DENND1A: variants seen among roughly 807,000 people sequenced by gnomAD.
The protein encoded by DENND1A is DENN domain-containing protein 1A.
A neutral mutation model predicts 113.7 loss-of-function variants in DENND1A; 51 were observed. That is an observed-to-expected ratio of 0.45 (90% CI 0.36 to 0.57). The LOEUF (loss-of-function observed/expected upper bound fraction) is 0.57, where lower values mean the gene tolerates loss of function less well. Among genes scored for constraint, DENND1A ranks in the 20% least tolerant of loss-of-function variants. The pLI is 0.00. For synonymous variants in DENND1A, 565 were observed against 570.8 expected (o/e 0.99, Z 0.14); for missense variants, 1,258 against 1,395.9 (o/e 0.90, Z 1.57).
Position 123,415,894 on chromosome 9 carries a change from G to C in DENND1A, c.1489-4065C>G, listed in dbSNP as rs1379573602. On this transcript the variant is annotated intron_variant, in intron 19 of 23. Transcript: ENST00000394215. ...TCCCAAATAAGCTGGGGTGTCCCCA[G>C]CTGGGGACACAGATGGGGAAGAGTA... Among the ~76,000 whole-genome samples the C allele has an allele frequency of 2.6e-5, 4 of 152,176 alleles. No homozygotes were observed. In the East Asian group the frequency reaches 7.7e-4, roughly 29 times the overall value.
At chr9:123,721,072 T>C (rs996058166) in intron 5 of DENND1A, among the ~76,000 whole-genome samples, 1 of 152,196 alleles carries the variant, frequency 6.6e-6, no homozygotes, top group African/African-American at 2.4e-5. Context: ...ACACCCACTC[T>C]TCCCCTCCCT....
intron 9 of DENND1A, among the ~76,000 whole-genome samples, chr9:123,639,355 G>T (rs1265375416): frequency 1.4e-5 from 2 of 147,066 alleles, no homozygotes; most frequent in Admixed American, 1.4e-4. Flanking sequence ...ACGAGTATCA[G>T]TTGAACCCGA....
At chr9:123,454,538 G>T (rs1350965104) in intron 16 of DENND1A, among the ~76,000 whole-genome samples, 1 of 152,126 alleles carries the variant, frequency 6.6e-6, no homozygotes, top group African/African-American at 2.4e-5. Flanking sequence ...GCCTTTTTCA[G>T]CCCCCACCAA....
chr9:123,632,971 G>T (rs1001455789), intron 9 of DENND1A, among the ~76,000 whole-genome samples: 1 of 152,028 alleles, frequency 6.6e-6, no homozygotes, highest in Admixed American at 6.6e-5. Context: ...GCAGTGGCAC[G>T]ATCTCGGCTC....
At chr9:123,610,637 A>T (rs2060376152) in intron 10 of DENND1A, among the ~76,000 whole-genome samples, 2 of 152,196 alleles carry the variant, frequency 1.3e-5, no homozygotes, top group African/African-American at 4.8e-5. Context: ...ATAGTCTATG[A>T]AATGTGCAGA....
At chr9:123,446,418 C>T (rs181800166) in intron 18 of DENND1A, among the ~76,000 whole-genome samples, 53 of 152,266 alleles carry the variant, frequency 3.5e-4, no homozygotes, top group Admixed American at 3.9e-4. Context: ...CTAGCTCTCC[C>T]GGCCCCACGC....
intron 12 of DENND1A, among the ~76,000 whole-genome samples, chr9:123,581,480 C>G (rs763269344): frequency 6.6e-6 from 1 of 152,066 alleles, no homozygotes; most frequent in Non-Finnish European, 1.5e-5. Flanking sequence ...CAAAACGTAG[C>G]TGGGTGTGGT....
At chr9:123,496,448 AAGAC>A (rs770313060) in intron 13 of DENND1A, among the ~76,000 whole-genome samples, 4 of 152,168 alleles carry the variant, frequency 2.6e-5, no homozygotes, top group Non-Finnish European at 5.9e-5. Context: ...TTTTATTTTT[AAGAC>A]AGACAGGTCT....
intron 13 of DENND1A, among the ~76,000 whole-genome samples, chr9:123,478,458 T>C (rs1055328996): frequency 1.3e-5 from 2 of 152,184 alleles, no homozygotes; most frequent in Admixed American, 1.3e-4. Context: ...AGGTGTCTCA[T>C]TTTGGGAAGA....
intron 13 of DENND1A, among the ~76,000 whole-genome samples, chr9:123,473,470 G>T (rs1392157696): frequency 6.6e-6 from 1 of 152,162 alleles, no homozygotes; most frequent in African/African-American, 2.4e-5. Flanking sequence ...GAGACTCAGG[G>T]GCAGCAATCC....
In DENND1A at chr9:123,387,811, G is replaced by A. The variant is rs919471693; in HGVS notation, c.1679C>T (p.Ser560Phe). 1.6e-6 allele frequency: 2 copies of A among 1,289,892 alleles called. No individual in the cohort carries two copies. The highest frequency in any genetic ancestry group is 3.0e-5 in the African/African-American group (2 of 65,864). The allele number at this position is 1,289,892 out of a possible 1,614,324, so 79.9% of individuals were successfully genotyped here. ...TTCCCGCTGGCATTCATCATCAGAG[G>A]AGTCTTCGGAGAGGAAGACCGCATA... ...RHYAVFLSEDSSDDECQREEG... is the reference protein window; with the variant it reads ...RHYAVFLSEDFSDDECQREEG... The change falls in exon 22 of 24, where the codon TCC becomes TTC. Residue 560 changes from serine to phenylalanine, a missense_variant. Coordinates refer to ENST00000394215, the MANE Select transcript of DENND1A (RefSeq NM_001352964.2).
intron 2 of DENND1A, among the ~76,000 whole-genome samples, chr9:123,854,711 TA>T (rs1465793442): frequency 6.9e-6 from 1 of 145,878 alleles, no homozygotes; most frequent in East Asian, 2.0e-4. Flanking sequence ...AAAATAAAAA[TA>T]AAAATAAGTA....
At chr9:123,829,113 A>G (rs1428941129) in intron 2 of DENND1A, among the ~76,000 whole-genome samples, 1 of 152,202 alleles carries the variant, frequency 6.6e-6, no homozygotes, top group Non-Finnish European at 1.5e-5. Flanking sequence ...TTCTCCTCCT[A>G]AAGGTTCAGA....
chr9:123,643,914 G>T (rs2062163815), intron 9 of DENND1A, among the ~76,000 whole-genome samples: 1 of 152,188 alleles, frequency 6.6e-6, no homozygotes, highest in Non-Finnish European at 1.5e-5. Context: ...CCAGGCAGAG[G>T]TTCTTTATAT....
chr9:123,618,228 A>G (rs1473305381), intron 10 of DENND1A, among the ~76,000 whole-genome samples: 1 of 152,092 alleles, frequency 6.6e-6, no homozygotes, highest in Non-Finnish European at 1.5e-5. Context: ...ACTTCCTGTG[A>G]CCCTGATGTT....
At chr9:123,767,821 T>A (rs576353988) in intron 4 of DENND1A, among the ~76,000 whole-genome samples, 2 of 152,280 alleles carry the variant, frequency 1.3e-5, no homozygotes, top group East Asian at 3.9e-4. Flanking sequence ...GAAACACCTA[T>A]CCAAAACAAA....
intron 5 of DENND1A, among the ~76,000 whole-genome samples, chr9:123,687,033 C>T (rs1454526126): frequency 6.6e-6 from 1 of 152,094 alleles, no homozygotes; most frequent in Non-Finnish European, 1.5e-5. Flanking sequence ...CAACTTTTTC[C>T]ATATGCTTAA....
At chr9:123,905,476 G>A (rs1308448387) in intron 1 of DENND1A, among the ~76,000 whole-genome samples, 1 of 144,750 alleles carries the variant, frequency 6.9e-6, no homozygotes, top group East Asian at 2.0e-4. Context: ...CACATGCAGA[G>A]ACACACATAG....
chr9:123,914,544 CAA>C (rs1290774207), intron 1 of DENND1A, among the ~76,000 whole-genome samples: 18 of 65,212 alleles, frequency 2.8e-4, no homozygotes, highest in Admixed American at 3.7e-4. Context: ...GACTCCATCT[CAA>C]AAAAAAAAAA....
Sources: gnomAD v4.1 joint callset for allele counts (sites outside exome capture counted in the v4.1 genomes callset) on GRCh38, gnomAD v4.1.1 for gene constraint, MANE v1.5 for transcripts, NCBI Gene and HGNC (gene_info 2026-07-23, HGNC 2026-07-21) for gene names.